PRICKLE1: variants seen among roughly 807,000 people sequenced by gnomAD.
PRICKLE1 encodes the protein prickle-like protein 1.
Under a neutral mutation model 70.2 loss-of-function variants are expected in PRICKLE1, and 14 were observed. The ratio of observed to expected loss-of-function variants is 0.20; its 90% CI spans 0.13 to 0.31. PRICKLE1 has a LOEUF of 0.31. PRICKLE1 is among the 10% of genes least tolerant of loss of function. The pLI is 1.00. For synonymous variants in PRICKLE1, 357 were observed against 379.9 expected (o/e 0.94, Z 0.70); for missense variants, 821 against 1,026.2 (o/e 0.80, Z 2.73).
chr12:42,506,068 C>G (rs1939404210), intron 1 of PRICKLE1, among the ~76,000 whole-genome samples: 1 of 152,000 alleles, frequency 6.6e-6, no homozygotes, highest in South Asian at 2.1e-4. Context: ...GAAATTCTAC[C>G]CGGACATCGC....
At chr12:42,469,358 C>A in intron 4 of PRICKLE1, 92 bp downstream of exon 4, 4 of 1,487,890 alleles carry the variant, frequency 2.7e-6, no homozygotes, top group Non-Finnish European at 3.7e-6. Context: ...CTTTCAGGAC[C>A]CACACCTCTG....
chr12:42,571,120 G>C (rs1302183698), intron 1 of PRICKLE1, among the ~76,000 whole-genome samples: 1 of 152,126 alleles, frequency 6.6e-6, no homozygotes, highest in Non-Finnish European at 1.5e-5. Context: ...CCCTCAAATT[G>C]CCTGTCAAAT....
Position 42,465,148 on chromosome 12 carries a change from T to C in PRICKLE1, c.886A>G (p.Lys296Glu), listed in dbSNP as rs770740860. ...ASLLGCPFLP[K>E]QGQIYCSKTC... ...TTTGAGCAGTAAATCTGACCCTGTT[T>C]GGGAAGGAAGGGACATCCCAACAAA... Residue 296 changes from lysine to glutamate, a missense_variant, in exon 7 of 8, where the codon AAA becomes GAA. Transcript: ENST00000345127. 6.3e-7 allele frequency: 1 copy of C among 1,586,982 alleles called. No individual in the cohort carries two copies. Among genetic ancestry groups the C allele is most frequent in the Non-Finnish European group, 8.5e-7 (1 of 1,170,954 alleles).
intron 1 of PRICKLE1, among the ~76,000 whole-genome samples, chr12:42,537,030 C>CA (rs1037618321): frequency 2.2e-4 from 34 of 152,032 alleles, no homozygotes; most frequent in African/African-American, 8.2e-4. Flanking sequence ...CTTACATTTA[C>CA]AAAAATTTCA....
intron 1 of PRICKLE1, among the ~76,000 whole-genome samples, chr12:42,544,942 C>T (rs1245200714): frequency 6.6e-6 from 1 of 151,198 alleles, no homozygotes; most frequent in East Asian, 1.9e-4. Context: ...CTTCTCCTTG[C>T]TTTGCAGGAG....
intron 1 of PRICKLE1, among the ~76,000 whole-genome samples, chr12:42,527,963 ATATATATATC>A (rs1354272853): frequency 0.14 from 1,609 of 11,360 alleles, 138 homozygotes; most frequent in South Asian, 0.22. Flanking sequence ...ATATATATAT[ATATATATATC>A]TCCAAAGTTT....
chr12:42,461,146 G>A (rs767840337), intron 7 of PRICKLE1, among the ~76,000 whole-genome samples: 1 of 152,194 alleles, frequency 6.6e-6, no homozygotes, highest in Non-Finnish European at 1.5e-5. Context: ...CTCCCACAGT[G>A]CTGGGTTTAC....
In PRICKLE1 at chr12:42,465,124, T is replaced by C. The variant is rs202205425; in HGVS notation, c.910A>G (p.Lys304Glu). 2.5e-6 allele frequency: 4 copies of C among 1,574,570 alleles called. No homozygotes were observed. Among genetic ancestry groups the C allele is most frequent in the Non-Finnish European group, 3.4e-6 (4 of 1,164,966 alleles). ...ACGTCTTCACCAAGACTGCACGTTT[T>C]TGAGCAGTAAATCTGACCCTGTTTG... is the stretch of plus-strand genomic sequence containing the variant. ...LPKQGQIYCS[K>E]TCSLGEDVHA... Residue 304 changes from lysine to glutamate, a missense_variant, in exon 7 of 8, where the codon AAA (lysine) becomes GAA (glutamate). By Grantham distance (56) the Lys-to-Glu change is moderately conservative (BLOSUM62 1). Coordinates refer to ENST00000345127, the MANE Select transcript of PRICKLE1 (RefSeq NM_153026.3).
chr12:42,484,199 C>G (rs1938925203), intron 1 of PRICKLE1: 1 of 151,280 alleles, frequency 6.6e-6, no homozygotes, highest in South Asian at 2.1e-4. Flanking sequence ...TGGCCGATCT[C>G]CACGAGGTCC....
At chr12:42,577,939 C>T (rs1940829211) in intron 1 of PRICKLE1, among the ~76,000 whole-genome samples, 1 of 152,126 alleles carries the variant, frequency 6.6e-6, no homozygotes, top group African/African-American at 2.4e-5. Context: ...ACTGGCAAAC[C>T]AAAGCTCCTT....
intron 1 of PRICKLE1, among the ~76,000 whole-genome samples, chr12:42,491,780 C>CTT (rs57837176): frequency 0.019 from 2,312 of 124,448 alleles, 99 homozygotes; most frequent in East Asian, 0.15. Context: ...ACTGCTCCAT[C>CTT]TTTTTTTTTT....
intron 1 of PRICKLE1, among the ~76,000 whole-genome samples, chr12:42,576,698 G>C (rs1940811513): frequency 6.6e-6 from 1 of 152,098 alleles, no homozygotes; most frequent in Non-Finnish European, 1.5e-5. Context: ...GTGTTCATCT[G>C]AACAATTCAA....
intron 1 of PRICKLE1, among the ~76,000 whole-genome samples, chr12:42,539,234 G>A (rs942371386): frequency 3.3e-5 from 5 of 152,198 alleles, no homozygotes; most frequent in Non-Finnish European, 5.9e-5. Flanking sequence ...TTGGGAGGCC[G>A]AGGCGGGTGG....
chr12:42,491,823 C>T (rs963266727), intron 1 of PRICKLE1, among the ~76,000 whole-genome samples: 6 of 138,190 alleles, frequency 4.3e-5, no homozygotes, highest in African/African-American at 1.7e-4. Context: ...ACTCTTATTA[C>T]CCAGGCTGGA....
intron 1 of PRICKLE1, among the ~76,000 whole-genome samples, chr12:42,527,750 A>C (rs1191636028): frequency 1.3e-5 from 2 of 152,010 alleles, no homozygotes; most frequent in Non-Finnish European, 2.9e-5. Context: ...CATTTATAAA[A>C]TGGAGAGTAA....
At chr12:42,527,917 A>T (rs2600931) in intron 1 of PRICKLE1, among the ~76,000 whole-genome samples, 2 of 117,642 alleles carry the variant, frequency 1.7e-5, no homozygotes, top group African/African-American at 6.8e-5. Context: ...ACTCTTTATA[A>T]TATATATATA....
Position 42,466,231 on chromosome 12 carries a change from G to A in PRICKLE1, c.738C>T (p.Leu246=). The A allele has an allele frequency of 6.2e-7, 1 of 1,614,180 alleles. No homozygotes were observed. The highest frequency in any genetic ancestry group is 8.5e-7 in the Non-Finnish European group (1 of 1,180,030). ...CACAGGTTTCACAGTACTCCGCATA[G>A]AGAGACTCAAAACAGCCACAGCAGA... The part of the protein sequence containing the change: ...RPFCCGCFES[L]YAEYCETCGE... The change falls in exon 6 of 8, where the codon CTC becomes CTT. Residue 246 remains leucine (L), a synonymous_variant. Transcript: ENST00000345127.
At chr12:42,469,302 G>T in intron 4 of PRICKLE1, 148 bp downstream of exon 4, 2 of 856,638 alleles carry the variant, frequency 2.3e-6, no homozygotes, top group Non-Finnish European at 3.8e-6. Context: ...AACATGATTT[G>T]CTATTTAATA....
chr12:42,466,067 C>G, intron 6 of PRICKLE1, 127 bp downstream of exon 6: 1 of 995,582 alleles, frequency 1.0e-6, no homozygotes, highest in South Asian at 1.3e-5. Context: ...CATTTAAGAT[C>G]TGTACATTTC....
Sources: gnomAD v4.1 joint callset for allele counts (sites outside exome capture counted in the v4.1 genomes callset) on GRCh38, gnomAD v4.1.1 for gene constraint, MANE v1.5 for transcripts, NCBI Gene and HGNC (gene_info 2026-07-23, HGNC 2026-07-21) for gene names.